Variants in WARS2 observed in about 807,000 individuals in gnomAD.
The protein encoded by WARS2 is tryptophan--tRNA ligase, mitochondrial.
Under a neutral mutation model 36.5 loss-of-function variants are expected in WARS2, and 28 were observed. The ratio of observed to expected loss-of-function variants is 0.77; its 90% confidence interval spans 0.57 to 1.05. The LOEUF is 1.05. WARS2 is among the 50% of genes least tolerant of loss of function. WARS2 has a pLI of 0.00. For synonymous variants in WARS2, 174 were observed against 178.4 expected (o/e 0.98, Z 0.20); for missense variants, 435 against 456.8 (o/e 0.95, Z 0.44).
At chr1:119,085,765 T>C in intron 1 of WARS2, 1 of 1,594,194 alleles carries the variant, frequency 6.3e-7, no homozygotes, top group Non-Finnish European at 8.6e-7. Context: ...AGATTAATGT[T>C]AACAATCTCC....
chr1:119,105,519 T>C (rs1011032132), intron 1 of WARS2, among the ~76,000 whole-genome samples: 6 of 152,040 alleles, frequency 3.9e-5, no homozygotes, highest in Admixed American at 6.5e-5. Context: ...TCATACAGGT[T>C]GGTGGAGTGG....
At chr1:119,069,491 T>C (rs951590452) in intron 2 of WARS2, among the ~76,000 whole-genome samples, 8 of 152,262 alleles carry the variant, frequency 5.3e-5, no homozygotes, top group Non-Finnish European at 1.0e-4. Flanking sequence ...ATCTGTTTTG[T>C]AAGTTAAGGA....
At chr1:119,055,413 G>A (rs1295257340) in intron 2 of WARS2, among the ~76,000 whole-genome samples, 1 of 152,096 alleles carries the variant, frequency 6.6e-6, no homozygotes, top group Non-Finnish European at 1.5e-5. Context: ...AGGAGTTCAA[G>A]GCCAGCCTGG....
At chr1:119,126,913 C>T in intron 1 of WARS2, 1 of 780,614 alleles carries the variant, frequency 1.3e-6, no homozygotes, top group Non-Finnish European at 2.2e-6. Context: ...TTAGTAAAAC[C>T]AACACAGAAC....
At chr1:119,117,245 C>G (rs1383098784) in intron 1 of WARS2, among the ~76,000 whole-genome samples, 1 of 152,102 alleles carries the variant, frequency 6.6e-6, no homozygotes, top group African/African-American at 2.4e-5. Context: ...GAGAACCACC[C>G]CTCCATCCCC....
In WARS2 at chr1:119,076,431, C is replaced by A. The variant is rs1168331622; in HGVS notation, c.267G>T (p.Arg89=). Residue 89 remains arginine (R), a synonymous_variant, in exon 2 of 6, where the codon CGG becomes CGT. Transcript: ENST00000235521. ...CAGCAGTCATGTCCAGGATGCTCTG[C>A]CGAAGGACAGCTGGGTCTTGGGGGA... is the stretch of plus-strand genomic sequence containing the variant. The part of the protein sequence containing the change: ...ITVPQDPAVL[R]QSILDMTAVL... The A allele has an allele frequency of 6.2e-7, 1 of 1,613,908 alleles. No individual in the cohort carries two copies.
rs1469860401 is a variant in WARS2, at chr1:119,032,802, C to T, written c.*109G>A. 12 of 1,062,390 alleles carry T rather than the reference C, an allele frequency of 1.1e-5. No individual in the cohort carries two copies. The highest frequency in any genetic ancestry group is 2.8e-5 in the Admixed American group (1 of 35,900). 65.8% of individuals were successfully genotyped at this position (1,062,390 alleles called of 1,614,324 possible). The stretch of plus-strand genomic sequence containing the variant: ...CAAATAAAGCCAATAATCAGCTATA[C>T]CAAATTAAATGTCCCAAAACTATAA... On this transcript the variant is annotated 3_prime_UTR_variant, in exon 6 of 6. Transcript: ENST00000235521.
intron 1 of WARS2, among the ~76,000 whole-genome samples, chr1:119,134,319 C>CAAAAAAAAAAAAAAAAAAAAAAAAAAA (rs761321480): frequency 7.6e-5 from 5 of 65,868 alleles, no homozygotes; most frequent in Admixed American, 4.6e-4. Flanking sequence ...GGCAAAGGGG[C>CAAAAAAAAAAAAAAAAAAAAAAAAAAA]AAAAAAAAAA....
intron 2 of WARS2, among the ~76,000 whole-genome samples, chr1:119,073,224 G>C (rs1420080884): frequency 6.6e-6 from 1 of 151,700 alleles, no homozygotes; most frequent in Non-Finnish European, 1.5e-5. Context: ...AACAAGTGAT[G>C]GGGTATAGTA....
rs587621450 is a variant in WARS2, at chr1:119,085,051, G to A, written c.91-8444C>T. 4.3e-6 allele frequency: 3 copies of A among 699,352 alleles called. No individual in the cohort carries two copies. In the South Asian group the frequency reaches 4.7e-5, roughly 11 times the overall value. 43.3% of individuals were successfully genotyped at this position (699,352 alleles called of 1,614,324 possible). A position where few individuals can be genotyped will look rare whatever the true frequency, so the allele number is the denominator to read the frequency against. The stretch of plus-strand genomic sequence containing the variant: ...AAAGACTCCTGCTCCCGGCAGCGCT[G>A]GGTCCTTTTATGCCTATGGGATTTA... On this transcript the variant is annotated intron_variant, in intron 1 of 5. Transcript: ENST00000235521.
chr1:119,035,348 A>G (rs964128831), intron 4 of WARS2, among the ~76,000 whole-genome samples: 1 of 152,170 alleles, frequency 6.6e-6, no homozygotes. Flanking sequence ...TGAAAAAAGC[A>G]GCGAGCCATC....
chr1:119,067,758 A>G (rs978540339), intron 2 of WARS2, among the ~76,000 whole-genome samples: 1 of 152,188 alleles, frequency 6.6e-6, no homozygotes, highest in African/African-American at 2.4e-5. Flanking sequence ...TCTCACAACC[A>G]AAAAGAAGTG....
At chr1:119,076,247 A>G in intron 2 of WARS2, 103 bp downstream of exon 2, 1 of 1,439,908 alleles carries the variant, frequency 6.9e-7, no homozygotes, top group South Asian at 1.4e-5. Flanking sequence ...ACCTTCAAAC[A>G]CTTTTTAAAA....
At position 119,036,054 on chromosome 1, in the gene WARS2, A is replaced by G. The variant is rs181637389; in HGVS notation, c.516-1841T>C. Among the ~76,000 whole-genome samples the G allele has an allele frequency of 7.7e-3, 1,166 of 152,126 alleles. 15 individuals are homozygous for G. The highest frequency in any genetic ancestry group is 0.027 in the African/African-American group (1,110 of 41,490). ...ACCCGGTCCCTGTTAAAAATACATA[A>G]TTAGCTGGGTGTGGTGGTGCATGCC... On this transcript the variant is annotated intron_variant, in intron 4 of 5. Coordinates refer to ENST00000235521, the MANE Select transcript of WARS2 (RefSeq NM_015836.4).
At chr1:119,091,301 T>C (rs938093331) in intron 1 of WARS2, among the ~76,000 whole-genome samples, 5 of 152,200 alleles carry the variant, frequency 3.3e-5, no homozygotes, top group Non-Finnish European at 1.5e-5. Flanking sequence ...GAGCTATAAA[T>C]GTATTATCTC....
intron 1 of WARS2, among the ~76,000 whole-genome samples, chr1:119,107,219 T>G (rs1654298425): frequency 6.6e-6 from 1 of 152,122 alleles, no homozygotes; most frequent in Non-Finnish European, 1.5e-5. Context: ...TTTATCAGAT[T>G]TGTCCTTTGC....
chr1:119,046,813 G>T (rs1648894859), intron 2 of WARS2, among the ~76,000 whole-genome samples: 1 of 144,464 alleles, frequency 6.9e-6, no homozygotes, highest in African/African-American at 2.6e-5. Flanking sequence ...TCCTTAAAAA[G>T]CAGAGACTGC....
In WARS2 at chr1:119,129,062, T is replaced by C. The variant is rs114439383; in HGVS notation, c.90+11493A>G. ...ACTTTAAAGATTTATGGTTATAAAG[T>C]ATAACTGGTTCTGGATTTTACAAGA... On this transcript the variant is annotated intron_variant, in intron 1 of 5. Coordinates refer to ENST00000235521, the MANE Select transcript of WARS2 (RefSeq NM_015836.4). Among the ~76,000 whole-genome samples the C allele has an allele frequency of 3.1e-3, 477 of 152,302 alleles. 5 individuals carry two copies. Among genetic ancestry groups the C allele is most frequent in the African/African-American group, 0.011 (458 of 41,562 alleles).
chr1:119,068,839 T>TCACA (rs68192609), intron 2 of WARS2, among the ~76,000 whole-genome samples: 1 of 133,854 alleles, frequency 7.5e-6, no homozygotes, highest in South Asian at 2.3e-4. Context: ...TCTCTCTCTC[T>TCACA]CACACACACA....
Sources: gnomAD v4.1 joint callset for allele counts (sites outside exome capture counted in the v4.1 genomes callset) on GRCh38, gnomAD v4.1.1 for gene constraint, MANE v1.5 for transcripts, NCBI Gene and HGNC (gene_info 2026-07-23, HGNC 2026-07-21) for gene names.